USP34: variants seen among roughly 807,000 people sequenced by gnomAD.
USP34 encodes ubiquitin carboxyl-terminal hydrolase 34.
Under a neutral mutation model 460.3 loss-of-function variants are expected in USP34, and 70 were observed. That is an observed-to-expected ratio of 0.15 (90% CI 0.13 to 0.19). The LOEUF (loss-of-function observed/expected upper bound fraction) is 0.19. Ranked by LOEUF, USP34 falls within the 10% of genes least tolerant of loss-of-function variation. USP34 has a pLI of 1.00. For synonymous variants in USP34, 1,647 were observed against 1,405.3 expected (o/e 1.17, Z -3.85); for missense variants, 3,985 against 4,236.2 (o/e 0.94, Z 1.65).
chr2:61,365,532 G>C (rs758515711), intron 10 of USP34, among the ~76,000 whole-genome samples: 17 of 151,832 alleles, frequency 1.1e-4, no homozygotes, highest in Admixed American at 9.2e-4. Flanking sequence ...TACAACTCCA[G>C]AATATAACAT....
intron 78 of USP34, 33 bp from the exon 79 acceptor site, chr2:61,189,102 C>G (rs762757085): frequency 2.5e-6 from 4 of 1,593,756 alleles, no homozygotes; most frequent in Non-Finnish European, 3.4e-6. Context: ...ATTTCAAATT[C>G]TAAAGCCAAC....
At chr2:61,324,014 T>A (rs1413316584) in intron 21 of USP34, among the ~76,000 whole-genome samples, 1 of 152,156 alleles carries the variant, frequency 6.6e-6, no homozygotes, top group South Asian at 2.1e-4. Flanking sequence ...ATCTCAAGCA[T>A]AGGTATGGAC....
chr2:61,435,368 A>T (rs1694784812), intron 1 of USP34, among the ~76,000 whole-genome samples: 1 of 151,342 alleles, frequency 6.6e-6, no homozygotes, highest in Admixed American at 6.6e-5. Context: ...TCAAGTCACA[A>T]ATAAAAGTAT....
chr2:61,440,972 A>T (rs1694948387), intron 1 of USP34, among the ~76,000 whole-genome samples: 2 of 151,644 alleles, frequency 1.3e-5, no homozygotes, highest in South Asian at 2.1e-4. Context: ...CTAAAAATAC[A>T]AAAAAATTAG....
rs372197270 is a variant in USP34, at chr2:61,214,146, G to A, written c.8596C>T (p.Pro2866Ser). 9.3e-6 allele frequency: 15 copies of A among 1,614,230 alleles called. No homozygotes were observed. In the African/African-American group the frequency reaches 1.3e-4, roughly 14 times the overall value. The change falls in exon 68 of 80, where the codon CCT becomes TCT. Residue 2866 changes from proline (P) to serine (S), a missense_variant. Coordinates refer to ENST00000398571, the MANE Select transcript of USP34 (RefSeq NM_014709.4). ...GILRLCCEQS[P>S]AFTRQLASHQ... ...GAAGCCAGTTGTCGTGTGAATGCAG[G>A]AGACTGCTCACAGCAGAGCCTCAGA...
intron 44 of USP34, 96 bp from the exon 45 acceptor site, chr2:61,257,446 G>A: frequency 1.0e-6 from 1 of 975,974 alleles, no homozygotes; most frequent in Non-Finnish European, 1.4e-6. Flanking sequence ...AGAACAGGTA[G>A]TAAATCTACT....
chr2:61,356,420 G>C (rs1225170786), intron 10 of USP34, among the ~76,000 whole-genome samples: 1 of 152,010 alleles, frequency 6.6e-6, no homozygotes, highest in East Asian at 1.9e-4. Context: ...ATCCTGGAAG[G>C]TCAAGGTTGC....
chr2:61,453,714 C>CAAAAA (rs1169951643), intron 1 of USP34, among the ~76,000 whole-genome samples: 3 of 31,894 alleles, frequency 9.4e-5, no homozygotes, highest in African/African-American at 1.8e-4. Context: ...CATTCCATCT[C>CAAAAA]AAAAAAAAAA....
At chr2:61,323,023 G>C (rs1318972168) in intron 21 of USP34, among the ~76,000 whole-genome samples, 2 of 152,070 alleles carry the variant, frequency 1.3e-5, no homozygotes, top group African/African-American at 2.4e-5. Context: ...TAAAATATTG[G>C]ATGTAATTAC....
chr2:61,279,945 TA>T (rs1237826093), intron 39 of USP34, among the ~76,000 whole-genome samples: 1 of 152,230 alleles, frequency 6.6e-6, no homozygotes, highest in East Asian at 1.9e-4. Flanking sequence ...GCTGTATTTT[TA>T]AATTTAAAAT....
At chr2:61,388,961 A>AT in intron 5 of USP34, among the ~76,000 whole-genome samples, 1 of 152,268 alleles carries the variant, frequency 6.6e-6, no homozygotes, top group Admixed American at 6.5e-5. Flanking sequence ...TTAAAAGATA[A>AT]TTCAACAATA....
intron 20 of USP34, among the ~76,000 whole-genome samples, chr2:61,327,329 A>C (rs776694559): frequency 1.6e-4 from 24 of 152,226 alleles, no homozygotes; most frequent in Admixed American, 1.5e-3. Flanking sequence ...GTGAAAATAC[A>C]TATGACGAGA....
intron 67 of USP34, among the ~76,000 whole-genome samples, chr2:61,218,886 T>C (rs1687478616): frequency 6.6e-6 from 1 of 152,156 alleles, no homozygotes; most frequent in African/African-American, 2.4e-5. Context: ...TAATTAACCT[T>C]TATCACCCGG....
chr2:61,440,649 C>T (rs899253634), intron 1 of USP34, among the ~76,000 whole-genome samples: 2 of 151,458 alleles, frequency 1.3e-5, no homozygotes, highest in Admixed American at 1.3e-4. Flanking sequence ...TACCAAGTAG[C>T]TGGGATTAAA....
rs1305016265 is a variant in USP34, at chr2:61,188,749, T to C, written c.10034-40A>G. ...GCCAAAAGGGAAACTTCTCTGAAAGTCATTAAGATCACGTTAGGGGGGGAT... is the reference window on the plus strand; with the variant it reads ...GCCAAAAGGGAAACTTCTCTGAAAGCCATTAAGATCACGTTAGGGGGGGAT... On this transcript the variant is annotated intron_variant, in intron 79 of 79. Coordinates refer to ENST00000398571, the MANE Select transcript of USP34 (RefSeq NM_014709.4). 6 of 1,596,280 alleles carry C rather than the reference T, an allele frequency of 3.8e-6. No individual in the cohort carries two copies. In the African/African-American group the frequency reaches 6.8e-5, roughly 18 times the overall value.
rs760302391 is a variant in USP34 at position 61,206,752 on chromosome 2, G to C, written c.9046+8C>G. ...CGAACAAAACATAAGAAGTAGGAATGAGCAAACCTTTTCTCTGAAGATAAG... is the reference window on the plus strand; with the variant it reads ...CGAACAAAACATAAGAAGTAGGAATCAGCAAACCTTTTCTCTGAAGATAAG... On this transcript the variant is annotated splice_region_variant and intron_variant, in intron 71 of 79. Transcript: ENST00000398571. 2 of 1,612,480 alleles carry C rather than the reference G, an allele frequency of 1.2e-6. No homozygotes were observed. Among genetic ancestry groups the C allele is most frequent in the African/African-American group, 2.7e-5 (2 of 74,816 alleles).
intron 67 of USP34, among the ~76,000 whole-genome samples, chr2:61,216,557 G>A (rs1275138788): frequency 4.6e-5 from 7 of 151,328 alleles, no homozygotes; most frequent in South Asian, 2.1e-4. Context: ...CCGAGATTGC[G>A]CCACTGCACT....
chr2:61,268,437 T>C (rs1237504267), intron 41 of USP34, among the ~76,000 whole-genome samples: 2 of 74,762 alleles, frequency 2.7e-5, no homozygotes. Flanking sequence ...AGAGCTGTTG[T>C]TAAAAAAAAA....
chr2:61,334,890 A>G (rs1185401180), intron 18 of USP34, among the ~76,000 whole-genome samples: 1 of 152,198 alleles, frequency 6.6e-6, no homozygotes, highest in Admixed American at 6.5e-5. Flanking sequence ...TAATTACATT[A>G]TACATGGCTA....
Sources: gnomAD v4.1 joint callset for allele counts (sites outside exome capture counted in the v4.1 genomes callset) on GRCh38, gnomAD v4.1.1 for gene constraint, MANE v1.5 for transcripts, NCBI Gene and HGNC (gene_info 2026-07-23, HGNC 2026-07-21) for gene names.